Variants in SLC25A25 observed in about 807,000 individuals in gnomAD.
SLC25A25 encodes solute carrier family 25 member 25, also known as mitochondrial adenyl nucleotide antiporter SLC25A25.
SLC25A25 carries 32 observed loss-of-function variants against 57.7 expected under a neutral mutation model. The ratio of observed to expected loss-of-function variants is 0.55; its 90% CI spans 0.42 to 0.74. SLC25A25 has a LOEUF of 0.74. SLC25A25 is among the 30% of genes least tolerant of loss of function. The pLI is 0.00. For missense variants in SLC25A25, 556 were observed against 701.3 expected (o/e 0.79, Z 2.34); for synonymous variants, 306 against 291.2 (o/e 1.05, Z -0.52).
chr9:128,072,425 G>A (rs992708253), intron 1 of SLC25A25, among the ~76,000 whole-genome samples: 2 of 152,182 alleles, frequency 1.3e-5, no homozygotes, highest in Non-Finnish European at 2.9e-5. Context: ...GAGATGCTGG[G>A]GTTTGCACGG....
rs989101204 is a variant in SLC25A25 at position 128,099,225 on chromosome 9, C to T, written c.262-1871C>T. The T allele has an allele frequency of 6.2e-6, 8 of 1,288,638 alleles. No individual in the cohort carries two copies. The highest frequency in any genetic ancestry group is 8.1e-6 in the Non-Finnish European group (8 of 988,436). 79.8% of individuals were successfully genotyped at this position (1,288,638 alleles called of 1,614,324 possible). A position where few individuals can be genotyped will look rare whatever the true frequency, so the allele number is the denominator to read the frequency against. ...GAAGCCGAGCTGCAGAGTCCGGAGG[C>T]CCCTTGCCACCTCGGCTTCTCGGTT... On this transcript the variant is annotated intron_variant, in intron 1 of 10. Coordinates refer to ENST00000373069, the MANE Select transcript of SLC25A25 (RefSeq NM_001330988.2). This position sits in a 1 kb window ranked among gnomAD's most constrained non-coding sequence, Gnocchi z 6.8.
chr9:128,102,196 G>A lies in SLC25A25; in HGVS notation c.512+81G>A. The A allele has an allele frequency of 6.6e-7, 1 of 1,520,198 alleles. No homozygotes were observed. The highest frequency in any genetic ancestry group is 1.4e-5 in the African/African-American group (1 of 72,430). The allele number at this position is 1,520,198 out of a possible 1,614,324, so 94.2% of individuals were successfully genotyped here. On this transcript the variant is annotated intron_variant, in intron 4 of 10. Transcript: ENST00000373069. The surrounding 1 kb of genome is among the most constrained non-coding windows in gnomAD (Gnocchi z 4.1). ...CGGGATTCTTGTGGGCCATTATATT[G>A]CCATTGTTGTGCTAAGTGGGGTGTG...
intron 1 of SLC25A25, among the ~76,000 whole-genome samples, chr9:128,085,987 C>T (rs143106011): frequency 6.6e-6 from 1 of 151,888 alleles, no homozygotes; most frequent in East Asian, 1.9e-4. Flanking sequence ...ACTACAGGTG[C>T]GTACCTGTCA....
chr9:128,104,147 C>A (rs1833922496), intron 6 of SLC25A25, among the ~76,000 whole-genome samples: 1 of 152,064 alleles, frequency 6.6e-6, no homozygotes, highest in African/African-American at 2.4e-5. Flanking sequence ...TGTACGTTAC[C>A]CCACACTGGG....
chr9:128,079,113 A>G (rs1029311623), intron 1 of SLC25A25, among the ~76,000 whole-genome samples: 1 of 152,196 alleles, frequency 6.6e-6, no homozygotes, highest in South Asian at 2.1e-4. Flanking sequence ...AAGGTAGGCC[A>G]TAAGGAGCTT....
intron 1 of SLC25A25, among the ~76,000 whole-genome samples, chr9:128,090,534 T>C (rs1833377871): frequency 1.3e-5 from 2 of 149,660 alleles, no homozygotes; most frequent in South Asian, 4.5e-4. Flanking sequence ...TGTGGGGCCA[T>C]GCGCGGTGGC....
At chr9:128,079,995 A>C (rs1004280616) in intron 1 of SLC25A25, among the ~76,000 whole-genome samples, 5 of 150,528 alleles carry the variant, frequency 3.3e-5, no homozygotes, top group African/African-American at 1.2e-4. Context: ...CTCTCAAAAA[A>C]AAAATTAGCT....
rs1008875761 is a variant in SLC25A25, at chr9:128,068,494, G to A, written c.175G>A (p.Val59Ile). 8.6e-6 allele frequency: 13 copies of A among 1,512,232 alleles called. No individual in the cohort carries two copies. The African/African-American group carries it at 1.7e-4, about 20-fold the overall frequency. The allele number at this position is 1,512,232 out of a possible 1,614,324, so 93.7% of individuals were successfully genotyped here. A position where few individuals can be genotyped will look rare whatever the true frequency, so the allele number is the denominator to read the frequency against. ...GTGGAGACTCTTTCAGACGCTCGAC[G>A]TCAACCGGGACGGCGGCCTGTGTGT... ...RLWRLFQTLD[V>I]NRDGGLCVND... The change falls in exon 1 of 11, where the codon GTC becomes ATC. Residue 59 changes from valine (V) to isoleucine (I), a missense_variant. Coordinates refer to ENST00000373069, the MANE Select transcript of SLC25A25 (RefSeq NM_001330988.2).
At position 128,091,561 on chromosome 9, in the gene SLC25A25, T is replaced by TA. The variant is rs59794334; in HGVS notation, c.262-9527dup. Reference sequence around the variant, plus strand: ...TTTTCCTTTTCTTTTTTTTTTTTTTTAAAAAAAAGCCAAACGTTTGCTCAC... The same window carrying TA: ...TTTTCCTTTTCTTTTTTTTTTTTTTTAAAAAAAAAGCCAAACGTTTGCTCAC... On this transcript the variant is annotated intron_variant, in intron 1 of 10. Transcript: ENST00000373069. 1.6e-5 allele frequency: 15 copies of TA among 958,750 alleles called. No homozygotes were observed. The African/African-American group carries it at 2.7e-4, about 17-fold the overall frequency. 59.4% of individuals were successfully genotyped at this position (958,750 alleles called of 1,614,324 possible). A position where few individuals can be genotyped will look rare whatever the true frequency, so the allele number is the denominator to read the frequency against.
In SLC25A25 at chr9:128,101,305, G is replaced by A. The variant is rs1255017453; in HGVS notation, c.389-4G>A. The A allele has an allele frequency of 8.7e-6, 14 of 1,614,142 alleles. No individual in the cohort carries two copies. The highest frequency in any genetic ancestry group is 1.1e-5 in the Non-Finnish European group (13 of 1,180,056). On this transcript the variant is annotated splice_polypyrimidine_tract_variant and splice_region_variant and intron_variant, in intron 2 of 10. Coordinates refer to ENST00000373069, the MANE Select transcript of SLC25A25 (RefSeq NM_001330988.2). The surrounding 1 kb of genome is among the most constrained non-coding windows in gnomAD (Gnocchi z 4.9). ...GCTCCTGCTCACGGCCTCTGTTCTT[G>A]CAGGACGCATTGACGCGCAGGAGAT...
chr9:128,075,138 A>ACAG (rs1832982758), intron 1 of SLC25A25, among the ~76,000 whole-genome samples: 1 of 151,874 alleles, frequency 6.6e-6, no homozygotes, highest in South Asian at 2.1e-4. Flanking sequence ...TTCCATCTCA[A>ACAG]CAACAACAAC....
At chr9:128,077,352 A>G (rs547846494) in intron 1 of SLC25A25, among the ~76,000 whole-genome samples, 3 of 151,502 alleles carry the variant, frequency 2.0e-5, no homozygotes, top group African/African-American at 7.3e-5. Context: ...CGTCTCTACT[A>G]AAAATACAAA....
chr9:128,083,510 T>G (rs940756595), intron 1 of SLC25A25, among the ~76,000 whole-genome samples: 1 of 58,864 alleles, frequency 1.7e-5, no homozygotes. Flanking sequence ...TTTTTTCTTT[T>G]TTCTTTTTTT....
At chr9:128,078,900 A>G (rs181253427) in intron 1 of SLC25A25, among the ~76,000 whole-genome samples, 6 of 152,240 alleles carry the variant, frequency 3.9e-5, no homozygotes, top group East Asian at 1.9e-4. Context: ...ACTTGGCCAC[A>G]TTTATTTTCA....
rs536430566 is a variant in SLC25A25, at chr9:128,101,249, C to T, written c.388+27C>T. ...TAAGTGTTGCCTTCAGAGCTGTGGC[C>T]GGTCCAGCCTCGGGCCTCCCCGTGC... On this transcript the variant is annotated intron_variant, in intron 2 of 10. Coordinates refer to ENST00000373069, the MANE Select transcript of SLC25A25 (RefSeq NM_001330988.2). The surrounding 1 kb of genome is among the most constrained non-coding windows in gnomAD (Gnocchi z 4.9). The T allele has an allele frequency of 1.8e-5, 29 of 1,614,238 alleles. No individual in the cohort carries two copies. Among genetic ancestry groups the T allele is most frequent in the African/African-American group, 1.3e-4 (10 of 75,066 alleles).
At chr9:128,094,687 T>C (rs574229893) in intron 1 of SLC25A25, among the ~76,000 whole-genome samples, 34 of 152,348 alleles carry the variant, frequency 2.2e-4, no homozygotes, top group African/African-American at 7.7e-4. Flanking sequence ...CCAGAGGCAC[T>C]GTACCTGCCC....
chr9:128,105,115 T>A (rs962192564), intron 6 of SLC25A25, among the ~76,000 whole-genome samples: 18 of 136,876 alleles, frequency 1.3e-4, no homozygotes, highest in African/African-American at 4.9e-4. Context: ...CACCTCGGCC[T>A]CCCAAAGTGC....
At chr9:128,071,584 G>A in intron 1 of SLC25A25, among the ~76,000 whole-genome samples, 1 of 70,778 alleles carries the variant, frequency 1.4e-5, no homozygotes, top group African/African-American at 4.7e-5. Flanking sequence ...TTTTTTTTTT[G>A]TATTTTTAGT....
At position 128,101,980 on chromosome 9, in the gene SLC25A25, G is replaced by A. The variant is rs1588785287; in HGVS notation, c.477-100G>A. ...GCGGGCTCGTCTCGTGCCGTGCTGT[G>A]CCCCTGTCTCTGGGTGTGTGCTTGC... On this transcript the variant is annotated intron_variant, in intron 3 of 10. Transcript: ENST00000373069. This position sits in a 1 kb window ranked among gnomAD's most constrained non-coding sequence, Gnocchi z 4.9. 1.2e-5 allele frequency: 17 copies of A among 1,371,040 alleles called. No individual in the cohort carries two copies. In the East Asian group the frequency reaches 4.3e-4, roughly 34 times the overall value. 84.9% of individuals were successfully genotyped at this position (1,371,040 alleles called of 1,614,324 possible). A position where few individuals can be genotyped will look rare whatever the true frequency, so the allele number is the denominator to read the frequency against.
Sources: gnomAD v4.1 joint callset for allele counts (sites outside exome capture counted in the v4.1 genomes callset) on GRCh38, gnomAD v4.1.1 for gene constraint, Gnocchi (gnomAD v3.1) non-coding constraint, MANE v1.5 for transcripts, NCBI Gene and HGNC (gene_info 2026-07-23, HGNC 2026-07-21) for gene names.